The following FHIP2B variants were observed in gnomAD, a reference collection of about 807,000 sequenced individuals.
The protein encoded by FHIP2B is FHF complex subunit HOOK-interacting protein 2B.
A neutral mutation model predicts 84.0 loss-of-function variants in FHIP2B; 72 were observed. That is an observed-to-expected ratio of 0.86 (90% CI 0.71 to 1.04). The LOEUF (loss-of-function observed/expected upper bound fraction) is 1.04, where lower values mean the gene tolerates loss of function less well. Among genes scored for constraint, FHIP2B ranks in the 50% least tolerant of loss-of-function variants. FHIP2B has a pLI of 0.00. For synonymous variants in FHIP2B, 497 were observed against 418.7 expected, an observed-to-expected ratio of 1.19 and a Z score of -2.28; for missense variants, 972 against 968.9, an observed-to-expected ratio of 1.00 and a Z score of -0.04.
chr8:22,094,791 ACT>A (rs1825677261), intron 2 of FHIP2B: 1 of 1,253,776 alleles, frequency 8.0e-7, no homozygotes, highest in Admixed American at 4.4e-5. Flanking sequence ...CACTGGCCTG[ACT>A]CTGCAAGGAA....
chr8:22,102,980 G>A lies in FHIP2B; in HGVS notation c.*49G>A. ...CTCCTGTCCACACCTCTGCCCCAGA[G>A]CTGCCTCCTGCCTGGCACTGCCGCC... On this transcript the variant is annotated 3_prime_UTR_variant, in exon 17 of 17. Transcript: ENST00000289921. The A allele has an allele frequency of 6.3e-7, 1 of 1,580,064 alleles. No homozygotes were observed. Among genetic ancestry groups the A allele is most frequent in the Non-Finnish European group, 8.6e-7 (1 of 1,162,842 alleles).
rs776184089 is a variant in FHIP2B, at chr8:22,102,551, A to G, written c.2016A>G (p.Arg672=). Residue 672 remains arginine, a synonymous_variant, in exon 16 of 17, where the codon AGA becomes AGG. Transcript: ENST00000289921. Reference sequence around the variant, plus strand: ...AGGTGATCGGGGACTTGATGCAGAGAATCCAGAGGGTACCCCAGTTCCCAG... The same window carrying G: ...AGGTGATCGGGGACTTGATGCAGAGGATCCAGAGGGTACCCCAGTTCCCAG... ...LVRVIGDLMQ[R]IQRVPQFPGK... The G allele has an allele frequency of 5.8e-6, 9 of 1,560,460 alleles. No homozygotes were observed. The East Asian group carries it at 2.2e-4, about 38-fold the overall frequency.
In FHIP2B at chr8:22,099,826, C is replaced by A. The variant is rs1438444913; in HGVS notation, c.1274C>A (p.Ala425Asp). The A allele has an allele frequency of 6.2e-7, 1 of 1,612,408 alleles. No individual in the cohort carries two copies. The highest frequency in any genetic ancestry group is 2.2e-5 in the East Asian group (1 of 44,812). ...FLLGTDRQPE[A>D]PGDNPHTLYA... Reference sequence around the variant, plus strand: ...CTGGGCACAGACCGGCAGCCTGAAGCCCCCGGGGACAACCCCCACACCCTG... The same window carrying A: ...CTGGGCACAGACCGGCAGCCTGAAGACCCCGGGGACAACCCCCACACCCTG... The change falls in exon 10 of 17, where the codon GCC becomes GAC. Residue 425 changes from alanine to aspartate, a missense_variant. Transcript: ENST00000289921.
Position 22,102,564 on chromosome 8 carries a change from C to A in FHIP2B, c.2029C>A (p.Pro677Thr). Reference sequence around the variant, plus strand: ...CTTGATGCAGAGAATCCAGAGGGTACCCCAGTTCCCAGGCAAGCTGCTCCT... The same window carrying A: ...CTTGATGCAGAGAATCCAGAGGGTAACCCAGTTCCCAGGCAAGCTGCTCCT... ...GDLMQRIQRVPQFPGKLLLVR... is the reference protein window; with the variant it reads ...GDLMQRIQRVTQFPGKLLLVR... The change falls in exon 16 of 17, where the codon CCC becomes ACC. Residue 677 changes from proline to threonine, a missense_variant. Pro to Thr is a conservative substitution (Grantham distance 38). Transcript: ENST00000289921. The A allele has an allele frequency of 6.4e-7, 1 of 1,562,662 alleles. No individual in the cohort carries two copies. The highest frequency in any genetic ancestry group is 8.7e-7 in the Non-Finnish European group (1 of 1,153,900).
intron 1 of FHIP2B, chr8:22,089,953 A>C: frequency 2.5e-6 from 2 of 792,258 alleles, no homozygotes; most frequent in Non-Finnish European, 3.6e-6. Context: ...CACAAGCCAA[A>C]TTGAGTTAGG....
chr8:22,102,586 T>G lies in FHIP2B; in HGVS notation c.2051T>G (p.Leu684Arg), dbSNP rs751464696. ...GTACCCCAGTTCCCAGGCAAGCTGC[T>G]CCTGGTGCGCAAGCAGTTGACGGGC... ...QRVPQFPGKL[L>R]LVRKQLTGQA... The change falls in exon 16 of 17, where the codon CTC (leucine) becomes CGC (arginine). Residue 684 changes from leucine to arginine, a missense_variant. Physicochemically the swap from Leu to Arg is moderately radical, Grantham distance 102. Coordinates refer to ENST00000289921, the MANE Select transcript of FHIP2B (RefSeq NM_022749.7). The G allele has an allele frequency of 2.4e-5, 37 of 1,564,968 alleles. No homozygotes were observed. In the Middle Eastern group the frequency reaches 1.0e-3, roughly 42 times the overall value.
chr8:22,094,857 C>G (rs1455689313), intron 2 of FHIP2B: 1 of 1,158,866 alleles, frequency 8.6e-7, no homozygotes, highest in Non-Finnish European at 1.1e-6. Context: ...GCCCCAGGTG[C>G]TTGTGCCTAG....
At chr8:22,091,678 C>T (rs923018171) in intron 1 of FHIP2B, among the ~76,000 whole-genome samples, 1 of 152,202 alleles carries the variant, frequency 6.6e-6, no homozygotes, top group African/African-American at 2.4e-5. Context: ...GCTGGTTAAC[C>T]TGCCTCTCCC....
At chr8:22,093,748 A>G (rs1825622326) in intron 1 of FHIP2B, among the ~76,000 whole-genome samples, 1 of 94,192 alleles carries the variant, frequency 1.1e-5, no homozygotes, top group South Asian at 3.7e-4. Context: ...ATAGGGTCTC[A>G]CCTTGTCACC....
Position 22,094,318 on chromosome 8 carries a change from C to G in FHIP2B, c.46-122C>G, listed in dbSNP as rs1825648746. Reference sequence around the variant, plus strand: ...ATTCCTCCCTTTGAAAGCCAGGGAGCAGGGTGCCTCCTCATGAGGAGGCCT... The same window carrying G: ...ATTCCTCCCTTTGAAAGCCAGGGAGGAGGGTGCCTCCTCATGAGGAGGCCT... On this transcript the variant is annotated intron_variant, in intron 1 of 16. Coordinates refer to ENST00000289921, the MANE Select transcript of FHIP2B (RefSeq NM_022749.7). 4.8e-6 allele frequency: 4 copies of G among 830,824 alleles called. No individual in the cohort carries two copies. In the East Asian group the frequency reaches 1.3e-4, roughly 27 times the overall value. 51.5% of individuals were successfully genotyped at this position (830,824 alleles called of 1,614,324 possible). A position where few individuals can be genotyped will look rare whatever the true frequency, so the allele number is the denominator to read the frequency against.
At chr8:22,099,479 C>T in intron 9 of FHIP2B, 119 bp downstream of exon 9, 1 of 1,207,184 alleles carries the variant, frequency 8.3e-7, no homozygotes, top group Non-Finnish European at 1.2e-6. Context: ...TTGTGGACCC[C>T]ATTGGGTGAT....
chr8:22,104,888 A>C lies in FHIP2B; in HGVS notation c.*1957A>C, dbSNP rs1826306600. On this transcript the variant is annotated 3_prime_UTR_variant, in exon 17 of 17. Transcript: ENST00000289921. ...TTCTCAGGGAAAAAGAAAAGTTAACACATAAATAAACCCTTTGTCCTCAGA... is the reference window on the plus strand; with the variant it reads ...TTCTCAGGGAAAAAGAAAAGTTAACCCATAAATAAACCCTTTGTCCTCAGA... The C allele has an allele frequency of 6.7e-6, 1 of 149,130 alleles. No homozygotes were observed. Among genetic ancestry groups the C allele is most frequent in the Non-Finnish European group, 1.5e-5 (1 of 67,680 alleles). 9.2% of individuals were successfully genotyped at this position (149,130 alleles called of 1,614,324 possible). A position where few individuals can be genotyped will look rare whatever the true frequency, so the allele number is the denominator to read the frequency against.
chr8:22,103,156 CCTT>C lies in FHIP2B; in HGVS notation c.*229_*231del. ...TTTCCAGGCAGCAAGGTCCTTGGGG[CCTT>C]CTTGGAGGAGCTTGGGTGACAGCCA... is the stretch of plus-strand genomic sequence containing the variant. On this transcript the variant is annotated 3_prime_UTR_variant, in exon 17 of 17. Coordinates refer to ENST00000289921, the MANE Select transcript of FHIP2B (RefSeq NM_022749.7). 1.7e-6 allele frequency: 1 copy of C among 599,428 alleles called. No homozygotes were observed. The highest frequency in any genetic ancestry group is 3.2e-5 in the Admixed American group (1 of 31,620). The allele number at this position is 599,428 out of a possible 1,614,324, so 37.1% of individuals were successfully genotyped here.
chr8:22,100,991 AGT>A lies in FHIP2B; in HGVS notation c.1616+20_1616+21del, dbSNP rs757576081. 383 of 1,610,616 alleles carry A rather than the reference AGT, an allele frequency of 2.4e-4. No homozygotes were observed. Among genetic ancestry groups the A allele is most frequent in the Non-Finnish European group, 3.0e-4 (351 of 1,178,576 alleles). On this transcript the variant is annotated intron_variant, in intron 12 of 16. Transcript: ENST00000289921. ...TCAACAGGTGGGGAGCAAGTTAGGC[AGT>A]CTGAACCACTTGAGTTTTATTTTAT...
intron 3 of FHIP2B, 23 bp downstream of exon 3, chr8:22,096,532 G>C: frequency 6.7e-7 from 1 of 1,497,370 alleles, no homozygotes; most frequent in Non-Finnish European, 8.9e-7. Context: ...CTGCGCGCTG[G>C]GCCAGGCCGA....
chr8:22,102,497 C>T (rs1014456114), intron 15 of FHIP2B, 31 bp from the exon 16 acceptor site: 139 of 1,546,792 alleles, frequency 9.0e-5, no homozygotes, highest in Non-Finnish European at 1.2e-4. Context: ...GTTGCTGGCC[C>T]CATCTGAGTC....
chr8:22,099,352 C>T lies in FHIP2B; in HGVS notation c.1143C>T (p.Leu381=). The T allele has an allele frequency of 6.2e-7, 1 of 1,613,368 alleles. No homozygotes were observed. Among genetic ancestry groups the T allele is most frequent in the Middle Eastern group, 1.7e-4 (1 of 6,060 alleles). ...TCGTGGAGACCCTGCAGCCCCAGCT[C>T]CTGCACGTGTAAGTGTCTAGTTCCC... ...NFFVETLQPQ[L]LHVSEQSILT... The change falls in exon 9 of 17, where the codon CTC becomes CTT. Residue 381 remains leucine (L), a synonymous_variant. Transcript: ENST00000289921.
At chr8:22,099,169 GC>G in intron 8 of FHIP2B, 113 bp downstream of exon 8, 1 of 1,508,430 alleles carries the variant, frequency 6.6e-7, no homozygotes, top group Non-Finnish European at 9.0e-7. Flanking sequence ...GCTAAGCGGG[GC>G]CCCAGGCGGG....
At chr8:22,090,726 G>T (rs1265556536) in intron 1 of FHIP2B, among the ~76,000 whole-genome samples, 1 of 152,178 alleles carries the variant, frequency 6.6e-6, no homozygotes, top group Non-Finnish European at 1.5e-5. Context: ...CTGGGCTCAA[G>T]CAATCCTCCC....
Sources: allele counts gnomAD v4.1 joint callset (sites outside exome capture counted in the v4.1 genomes callset), GRCh38; gene constraint gnomAD v4.1.1; transcripts MANE v1.5; gene names NCBI Gene and HGNC (gene_info 2026-07-23, HGNC 2026-07-21).